The following POLR1D variants were observed in gnomAD, a reference collection of about 807,000 sequenced individuals.
POLR1D encodes the protein RNA polymerase I and III subunit D.
Under a neutral mutation model 10.8 loss-of-function variants are expected in POLR1D, and 8 were observed. That is an observed-to-expected ratio of 0.74 (90% CI 0.43 to 1.33). POLR1D has a LOEUF of 1.33. Ranked by LOEUF, POLR1D falls within the 40% of genes most tolerant of loss-of-function variation. The pLI is 0.01. For synonymous variants in POLR1D, 54 were observed against 57.2 expected (o/e 0.94, Z 0.25); for missense variants, 152 against 161.7 (o/e 0.94, Z 0.32).
chr13:27,661,752 C>G (rs1366986650), intron 2 of POLR1D, among the ~76,000 whole-genome samples: 1 of 152,148 alleles, frequency 6.6e-6, no homozygotes, highest in Non-Finnish European at 1.5e-5. Flanking sequence ...GTGAACTTTT[C>G]TAAAGAGTTA....
chr13:27,633,523 A>G (rs946583335), intron 1 of POLR1D, among the ~76,000 whole-genome samples: 2 of 152,210 alleles, frequency 1.3e-5, no homozygotes, highest in Non-Finnish European at 2.9e-5. Context: ...ATTGCCAGAA[A>G]TCCTAGTCTT....
chr13:27,665,293 C>A (rs1332113228), intron 2 of POLR1D: 1 of 207,470 alleles, frequency 4.8e-6, no homozygotes, highest in Non-Finnish European at 9.9e-6. Flanking sequence ...TTTTCACTGT[C>A]TGGTAATAAA....
At chr13:27,631,936 CA>C (rs60171575) in intron 1 of POLR1D, among the ~76,000 whole-genome samples, 13,933 of 152,180 alleles carry the variant, frequency 0.092, 768 homozygotes, top group East Asian at 0.25. Context: ...TTCAAGAAGA[CA>C]AAAAATTATT....
intron 1 of POLR1D, 192 bp downstream of exon 1, chr13:27,622,201 G>A: frequency 1.6e-6 from 1 of 622,612 alleles, no homozygotes; most frequent in Non-Finnish European, 2.9e-6. Context: ...ATCAAGGAGG[G>A]AAGACAAGTT....
At chr13:27,625,288 G>A (rs745873794), downstream of POLR1D, among the ~76,000 whole-genome samples, 23 of 152,266 alleles carry the variant, frequency 1.5e-4, no homozygotes, top group Admixed American at 1.1e-3. Flanking sequence ...ATGAATTATA[G>A]GGAGGCTGGA....
chr13:27,629,219 T>C (rs1956049063), intron 1 of POLR1D, among the ~76,000 whole-genome samples: 1 of 152,212 alleles, frequency 6.6e-6, no homozygotes, highest in Non-Finnish European at 1.5e-5. Context: ...CAGTATAACA[T>C]TGGAATTTAG....
chr13:27,658,538 G>C (rs35435087), intron 2 of POLR1D, among the ~76,000 whole-genome samples: 3,396 of 152,226 alleles, frequency 0.022, 37 homozygotes, highest in South Asian at 0.056. Flanking sequence ...TAGAGTGAGT[G>C]GTATTATTTT....
At chr13:27,665,699 C>T in exon 3 of POLR1D, 2 of 1,613,968 alleles carry the variant, frequency 1.2e-6, no homozygotes, top group Non-Finnish European at 1.7e-6. Context: ...GAAGTGTCCT[C>T]TTGCTAGCAC....
intron 1 of POLR1D, among the ~76,000 whole-genome samples, chr13:27,642,048 CT>C (rs1491001379): frequency 6.6e-6 from 1 of 152,148 alleles, no homozygotes; most frequent in Non-Finnish European, 1.5e-5. Context: ...CACTCCAACA[CT>C]AGGCGCTGTC....
chr13:27,655,223 A>C (rs1443387717), intron 2 of POLR1D, among the ~76,000 whole-genome samples: 1 of 152,244 alleles, frequency 6.6e-6, no homozygotes, highest in Non-Finnish European at 1.5e-5. Flanking sequence ...TTGATTATCT[A>C]TGATTGTGTG....
downstream of POLR1D, among the ~76,000 whole-genome samples, chr13:27,623,673 A>C (rs1229655733): frequency 6.6e-6 from 1 of 152,180 alleles, no homozygotes; most frequent in Non-Finnish European, 1.5e-5. Context: ...TTGTTTAAAA[A>C]CAGAAGGAAA....
downstream of POLR1D, among the ~76,000 whole-genome samples, chr13:27,625,021 A>G (rs1955994931): frequency 6.6e-6 from 1 of 152,128 alleles, no homozygotes; most frequent in Non-Finnish European, 1.5e-5. Context: ...ACAGGAAGGG[A>G]GAGAGCTGGC....
chr13:27,634,436 G>A (rs866042007), intron 1 of POLR1D, among the ~76,000 whole-genome samples: 2 of 152,294 alleles, frequency 1.3e-5, no homozygotes, highest in Middle Eastern at 3.4e-3. Flanking sequence ...AAGCCAACTA[G>A]ACTTACTCCT....
chr13:27,625,749 TTAAAGA>T (rs1444980291), downstream of POLR1D, among the ~76,000 whole-genome samples: 1 of 151,020 alleles, frequency 6.6e-6, no homozygotes, highest in African/African-American at 2.4e-5. Flanking sequence ...CAAAGAAGAG[TTAAAGA>T]TAAGAGTATT....
intron 2 of POLR1D, among the ~76,000 whole-genome samples, chr13:27,653,583 A>G (rs796568059): frequency 6.6e-6 from 1 of 152,326 alleles, no homozygotes; most frequent in African/African-American, 2.4e-5. Flanking sequence ...GTTCTCAAAC[A>G]TCTTAGGATA....
chr13:27,651,029 A>G (rs1428154479), intron 2 of POLR1D: 2 of 152,234 alleles, frequency 1.3e-5, no homozygotes, highest in African/African-American at 2.4e-5. Flanking sequence ...GAATAATATT[A>G]TCATCATTTG....
At chr13:27,647,324 G>GA (rs1306297371) in intron 1 of POLR1D, among the ~76,000 whole-genome samples, 11 of 152,106 alleles carry the variant, frequency 7.2e-5, no homozygotes, top group Admixed American at 1.3e-4. Flanking sequence ...AATGCAAACA[G>GA]AAAAAATCAC....
chr13:27,649,964 A>G (rs1956251903), intron 2 of POLR1D: 2 of 398,082 alleles, frequency 5.0e-6, no homozygotes, highest in South Asian at 2.5e-4. Context: ...GGTTCCCCCA[A>G]ACTACCACGC....
rs894102743 is a variant in POLR1D, at chr13:27,631,377, C to G, written c.26+9368C>G. ...AGACAGAAGCCAGTCTTTTTATGCCCTACTCTCAGAAGTGGCATTCCATTG... is the reference window on the plus strand; with the variant it reads ...AGACAGAAGCCAGTCTTTTTATGCCGTACTCTCAGAAGTGGCATTCCATTG... On this transcript the variant is annotated intron_variant, in intron 1 of 2. Coordinates refer to the POLR1D transcript ENST00000399697. 3.3e-5 allele frequency among the ~76,000 whole-genome samples: 5 copies of G among 152,190 alleles called. No homozygotes were observed. In the East Asian group the frequency reaches 9.6e-4, roughly 29 times the overall value.
Sources: allele counts gnomAD v4.1 joint callset (sites outside exome capture counted in the v4.1 genomes callset), GRCh38; gene constraint gnomAD v4.1.1; transcripts MANE v1.5; gene names NCBI Gene and HGNC (gene_info 2026-07-23, HGNC 2026-07-21).